The following ADAMTS9 variants were observed in gnomAD, a reference collection of about 807,000 sequenced individuals.
The protein encoded by ADAMTS9 is A disintegrin and metalloproteinase with thrombospondin motifs 9.
In ADAMTS9, 107 loss-of-function variants were observed where a neutral mutation model predicts 257.1. The ratio of observed to expected loss-of-function variants is 0.42; its 90% CI spans 0.36 to 0.49. The LOEUF is 0.49. ADAMTS9 is among the 20% of genes least tolerant of loss of function. ADAMTS9 has a pLI of 0.03. For missense variants in ADAMTS9, 2,353 were observed against 2,469.1 expected (o/e 0.95, Z 1.00); for synonymous variants, 982 against 880.9 (o/e 1.11, Z -2.03).
chr3:64,580,132 G>A lies in ADAMTS9; in HGVS notation c.4357-11597C>T, dbSNP rs557560454. Among the ~76,000 whole-genome samples, 9 of 152,046 alleles carry A rather than the reference G, an allele frequency of 5.9e-5. No individual in the cohort carries two copies. In the East Asian group the frequency reaches 1.5e-3, roughly 26 times the overall value. On this transcript the variant is annotated intron_variant, in intron 28 of 39. Transcript: ENST00000498707. ...AATGTATGTGTGTGTATATATATAT[G>A]AAAAACAGAATACAATGAAATGCAA... is the stretch of plus-strand genomic sequence containing the variant.
intron 3 of ADAMTS9, among the ~76,000 whole-genome samples, chr3:64,668,008 C>T (rs1237734860): frequency 1.3e-5 from 2 of 152,290 alleles, no homozygotes; most frequent in East Asian, 1.9e-4. Context: ...GCAAAGTACC[C>T]TTTAGGAAAT....
At chr3:64,674,291 ACACCGAT>A (rs1701570695) in intron 3 of ADAMTS9, among the ~76,000 whole-genome samples, 1 of 152,182 alleles carries the variant, frequency 6.6e-6, no homozygotes, top group Admixed American at 6.5e-5. Flanking sequence ...AAATGTATAA[ACACCGAT>A]GAAGAACAAA....
intron 16 of ADAMTS9, among the ~76,000 whole-genome samples, chr3:64,628,835 T>G (rs1700294682): frequency 6.6e-6 from 1 of 152,200 alleles, no homozygotes; most frequent in Admixed American, 6.5e-5. Flanking sequence ...AGCAATCATC[T>G]GCTTTGTACC....
At position 64,541,184 on chromosome 3, in the gene ADAMTS9, T is replaced by C; in HGVS notation, c.5432A>G (p.Asp1811Gly). ...TECPYNGSRRDDCQCRKDYTA... is the reference protein window; with the variant it reads ...TECPYNGSRRGDCQCRKDYTA... ...GTAATCCTTCCGACATTGGCAGTCA[T>C]CGCGCCGGCTCCCGTTATAGGGACA... The change falls in exon 36 of 40, where the codon GAT becomes GGT. Residue 1811 changes from aspartate to glycine, a missense_variant. Asp to Gly is a moderately conservative substitution (Grantham distance 94, BLOSUM62 -1). Coordinates refer to ENST00000498707, the MANE Select transcript of ADAMTS9 (RefSeq NM_182920.2). The C allele has an allele frequency of 1.2e-6, 2 of 1,614,176 alleles. No individual in the cohort carries two copies. The highest frequency in any genetic ancestry group is 1.1e-5 in the South Asian group (1 of 91,084).
At chr3:64,660,439 G>C (rs188071697) in intron 3 of ADAMTS9, among the ~76,000 whole-genome samples, 1 of 152,200 alleles carries the variant, frequency 6.6e-6, no homozygotes, top group East Asian at 1.9e-4. Flanking sequence ...GGTTCCCTTG[G>C]TTTCAGTTAC....
chr3:64,666,198 G>C lies in ADAMTS9; in HGVS notation c.680-7407C>G, dbSNP rs563847801. 9.9e-5 allele frequency among the ~76,000 whole-genome samples: 15 copies of C among 152,266 alleles called. No homozygotes were observed. The South Asian group carries it at 3.1e-3, about 32-fold the overall frequency. ...TGCAATACAATAAAATGCACAGTAT[G>C]TTACTAAATAACTGGAATTATTTCA... On this transcript the variant is annotated intron_variant, in intron 3 of 39. Transcript: ENST00000498707.
intron 22 of ADAMTS9, among the ~76,000 whole-genome samples, chr3:64,613,088 G>A (rs978149971): frequency 2.0e-5 from 3 of 152,088 alleles, no homozygotes; most frequent in African/African-American, 4.8e-5. Context: ...TCAAACACTC[G>A]TCTGCTCAAG....
In ADAMTS9 at chr3:64,626,996, G is replaced by A. The variant is rs192841353; in HGVS notation, c.2390-4410C>T. ...GCATCCTGAGGCTGCTCCCTAATGC[G>A]GGTCATTCAAATGGTGACAGTATGA... On this transcript the variant is annotated intron_variant, in intron 16 of 39. Transcript: ENST00000498707. Among the ~76,000 whole-genome samples the A allele has an allele frequency of 3.2e-3, 494 of 152,244 alleles. 1 individual carries two copies. The highest frequency in any genetic ancestry group is 0.011 in the African/African-American group (466 of 41,550).
At chr3:64,590,250 CTAAT>C (rs1352288074) in intron 28 of ADAMTS9, among the ~76,000 whole-genome samples, 1 of 152,068 alleles carries the variant, frequency 6.6e-6, no homozygotes, top group Non-Finnish European at 1.5e-5. Context: ...TTGAAGCTGT[CTAAT>C]TACACAAAGC....
At position 64,541,638 on chromosome 3, in the gene ADAMTS9, C is replaced by G. The variant is rs764417053; in HGVS notation, c.5198-18G>C. 3.1e-6 allele frequency: 5 copies of G among 1,601,748 alleles called. No homozygotes were observed. Among genetic ancestry groups the G allele is most frequent in the Non-Finnish European group, 4.3e-6 (5 of 1,169,298 alleles). On this transcript the variant is annotated intron_variant, in intron 33 of 39. Coordinates refer to ENST00000498707, the MANE Select transcript of ADAMTS9 (RefSeq NM_182920.2). ...TAACTCACCTAGAAAACACCAATCA[C>G]AAAAAATAGGGTGTGATGATCCGAG...
Position 64,606,958 on chromosome 3 carries a change from A to C in ADAMTS9, c.3474+2T>G. On this transcript the variant is annotated splice_donor_variant, in intron 23 of 39. Transcript: ENST00000498707. LOFTEE classifies it high-confidence loss of function. Reference sequence around the variant, plus strand: ...TAACTGAGTTGGACAAAGGAAACTTACCTGGGTATCAGTTGGTCTAGTTGC... The same window carrying C: ...TAACTGAGTTGGACAAAGGAAACTTCCCTGGGTATCAGTTGGTCTAGTTGC... The C allele has an allele frequency of 4.3e-6, 7 of 1,613,632 alleles. No individual in the cohort carries two copies. The highest frequency in any genetic ancestry group is 5.1e-6 in the Non-Finnish European group (6 of 1,179,660).
chr3:64,594,562 C>A, intron 27 of ADAMTS9, 128 bp from the exon 28 acceptor site: 1 of 1,114,992 alleles, frequency 9.0e-7, no homozygotes, highest in Non-Finnish European at 1.3e-6. Context: ...ACAGATGGAA[C>A]CAAGGTGAAT....
intron 20 of ADAMTS9, among the ~76,000 whole-genome samples, 158 bp from the exon 21 acceptor site, chr3:64,615,643 C>T (rs2084748206): frequency 6.6e-6 from 1 of 152,066 alleles, no homozygotes. Flanking sequence ...TATCAGTTTG[C>T]TTACCAGGTT....
chr3:64,535,801 C>G (rs1168305676), intron 37 of ADAMTS9, among the ~76,000 whole-genome samples: 1 of 151,932 alleles, frequency 6.6e-6, no homozygotes, highest in Non-Finnish European at 1.5e-5. Flanking sequence ...CCTCAGCCTC[C>G]CAAAGTGCTG....
chr3:64,527,300 G>A (rs987381015), intron 38 of ADAMTS9, among the ~76,000 whole-genome samples: 1 of 152,138 alleles, frequency 6.6e-6, no homozygotes. Flanking sequence ...GTTCCATTAA[G>A]AATAGTTTGT....
At chr3:64,547,888 A>C (rs1444652994) in intron 31 of ADAMTS9, among the ~76,000 whole-genome samples, 1 of 152,170 alleles carries the variant, frequency 6.6e-6, no homozygotes, top group Non-Finnish European at 1.5e-5. Context: ...TATATAAAAA[A>C]TAAAACAGAG....
At position 64,658,482 on chromosome 3, in the gene ADAMTS9, C is replaced by T. The variant is rs372816472; in HGVS notation, c.969+20G>A. ...CACATTTAGAGACCTCATAAATCAC[C>T]TTCGTTTGAATGTACTTACAATTGA... On this transcript the variant is annotated intron_variant, in intron 4 of 39. Coordinates refer to ENST00000498707, the MANE Select transcript of ADAMTS9 (RefSeq NM_182920.2). 6.2e-7 allele frequency: 1 copy of T among 1,600,140 alleles called. No homozygotes were observed. The highest frequency in any genetic ancestry group is 8.5e-7 in the Non-Finnish European group (1 of 1,173,004).
In ADAMTS9 at chr3:64,561,903, C is replaced by G. The variant is rs1403555273; in HGVS notation, c.4525-152G>C. ...CTTTCTAATTTGCAATGAAAGGGATCCTAGATCATGTCTTAAACCTGGAAA... is the reference window on the plus strand; with the variant it reads ...CTTTCTAATTTGCAATGAAAGGGATGCTAGATCATGTCTTAAACCTGGAAA... On this transcript the variant is annotated intron_variant, in intron 29 of 39. Coordinates refer to ENST00000498707, the MANE Select transcript of ADAMTS9 (RefSeq NM_182920.2). 4.5e-6 allele frequency: 3 copies of G among 666,966 alleles called. No individual in the cohort carries two copies. The East Asian group carries it at 8.3e-5, about 18-fold the overall frequency. 41.3% of individuals were successfully genotyped at this position (666,966 alleles called of 1,614,324 possible).
chr3:64,626,184 T>C (rs1185841605), intron 16 of ADAMTS9, among the ~76,000 whole-genome samples: 1 of 152,186 alleles, frequency 6.6e-6, no homozygotes, highest in East Asian at 1.9e-4. Flanking sequence ...ATGTACTGTC[T>C]CCTTATCACA....
Sources: gnomAD v4.1 joint callset for allele counts (sites outside exome capture counted in the v4.1 genomes callset) on GRCh38, gnomAD v4.1.1 for gene constraint, MANE v1.5 for transcripts, NCBI Gene and HGNC (gene_info 2026-07-23, HGNC 2026-07-21) for gene names.